The following TMEM255A variants were observed in gnomAD, a reference collection of about 807,000 sequenced individuals.
The protein encoded by TMEM255A is family with sequence similarity 70, member A.
A neutral mutation model predicts 23.5 loss-of-function variants in TMEM255A; 14 were observed. The observed-to-expected ratio is 0.60, with a 90% confidence interval of 0.39 to 0.93. TMEM255A has a LOEUF of 0.93. Ranked by LOEUF, TMEM255A falls within the 40% of genes least tolerant of loss-of-function variation. The probability of loss-of-function intolerance (pLI) is 0.00; values close to 1 mark genes in which losing one functional copy is unlikely to be tolerated. For missense variants in TMEM255A, 233 were observed against 261.7 expected, an observed-to-expected ratio of 0.89 and a Z score of 0.76; for synonymous variants, 104 against 100.3, an observed-to-expected ratio of 1.04 and a Z score of -0.22.
chrX:120,262,017 CG>C (rs1403751019), intron 8 of TMEM255A, among the ~76,000 whole-genome samples: 1 of 111,931 alleles, frequency 8.9e-6, no homozygotes, highest in Non-Finnish European at 1.9e-5. Flanking sequence ...AGGCCGGGCG[CG>C]GTGGCTAACG....
intron 6 of TMEM255A, among the ~76,000 whole-genome samples, chrX:120,280,963 T>G (rs2057832880): frequency 1.8e-5 from 2 of 112,544 alleles, no homozygotes; most frequent in Non-Finnish European, 3.8e-5. Context: ...TTCATTAGCT[T>G]TTTCCTTGGA....
rs970956250 is a variant in TMEM255A, at chrX:120,282,510, C to A, written c.512+2617G>T. Among the ~76,000 whole-genome samples, 59 of 111,830 alleles carry A rather than the reference C, an allele frequency of 5.3e-4. 1 individual carries two copies. Among genetic ancestry groups the A allele is most frequent in the African/African-American group, 1.9e-3 (59 of 30,717 alleles). On this transcript the variant is annotated intron_variant, in intron 6 of 8. Coordinates refer to ENST00000371369, the MANE Select transcript of TMEM255A (RefSeq NM_001104544.3). Reference sequence around the variant, plus strand: ...TTTCCCCAGTGAAAAGGGAGTTCTTCTTTTTGTTCCTTTTCAACAAATATC... The same window carrying A: ...TTTCCCCAGTGAAAAGGGAGTTCTTATTTTTGTTCCTTTTCAACAAATATC...
chrX:120,260,937 C>T lies in TMEM255A; in HGVS notation c.911G>A (p.Ser304Asn), dbSNP rs1351836579. 2 of 1,197,056 alleles carry T rather than the reference C, an allele frequency of 1.7e-6. No individual in the cohort carries two copies. The highest frequency in any genetic ancestry group is 1.8e-5 in the African/African-American group (1 of 56,031). The change falls in exon 9 of 9, where the codon AGT becomes AAT. Residue 304 changes from serine to asparagine, a missense_variant. Coordinates refer to ENST00000371369, the MANE Select transcript of TMEM255A (RefSeq NM_001104544.3). The stretch of plus-strand genomic sequence containing the variant: ...GGGTGGAGAGTAACGGGGCGGTGCA[C>T]TTGAGGACCACATGTAGCTGGGTGA... ...SPSPSYMWSS[S>N]APPRYSPPYY...
intron 7 of TMEM255A, among the ~76,000 whole-genome samples, chrX:120,270,307 GTGTGTA>G (rs1227570112): frequency 1.3e-4 from 14 of 110,432 alleles, no homozygotes; most frequent in African/African-American, 4.0e-4. Context: ...GTGTGTGTGT[GTGTGTA>G]TGTGTATTTC....
chrX:120,252,392 T>C, the TMEM255A span, among the ~76,000 whole-genome samples: 1 of 111,180 alleles, frequency 9.0e-6, no homozygotes, highest in African/African-American at 3.3e-5. Flanking sequence ...CTCTGGCCTC[T>C]TTGTTACTGG....
chrX:120,282,258 C>T lies in TMEM255A; in HGVS notation c.512+2869G>A, dbSNP rs782362165. On this transcript the variant is annotated intron_variant, in intron 6 of 8. Transcript: ENST00000371369. ...GGGACCCTCGCCTCTTCAGTCTCAG[C>T]CTGGGTTTATGGCCTGGTGGGACTG... Among the ~76,000 whole-genome samples, 4 of 111,553 alleles carry T rather than the reference C, an allele frequency of 3.6e-5. No individual in the cohort carries two copies. In the South Asian group the frequency reaches 1.5e-3, roughly 43 times the overall value.
At chrX:120,253,729 G>T (rs781947735), downstream of TMEM255A, 1 of 1,209,631 alleles carries the variant, frequency 8.3e-7, no homozygotes, top group Non-Finnish European at 1.1e-6. Flanking sequence ...ATTAAATCAG[G>T]GCAGTTATTA....
the TMEM255A span, among the ~76,000 whole-genome samples, chrX:120,251,486 A>C: frequency 9.4e-6 from 1 of 106,347 alleles, no homozygotes; most frequent in African/African-American, 3.5e-5. Context: ...TGCTGTTTGT[A>C]CCTCCGTCTG....
At chrX:120,294,084 G>A (rs1556023540) in intron 2 of TMEM255A, 33 bp from the exon 3 acceptor site, 1 of 1,055,858 alleles carries the variant, frequency 9.5e-7, no homozygotes, top group Non-Finnish European at 1.3e-6. Context: ...TAGTATGTGG[G>A]ATGACAGTCA....
At chrX:120,296,522 C>T (rs2057957666) in intron 2 of TMEM255A, among the ~76,000 whole-genome samples, 1 of 96,723 alleles carries the variant, frequency 1.0e-5, no homozygotes, top group Non-Finnish European at 2.0e-5. Flanking sequence ...CCTCCAAGAG[C>T]TCACGGTCTA....
downstream of TMEM255A, chrX:120,254,809 A>C: frequency 8.3e-7 from 1 of 1,212,042 alleles, no homozygotes; most frequent in African/African-American, 1.7e-5. Context: ...GAAATACCAA[A>C]AACGTCTGGC....
chrX:120,293,231 G>C (rs1372500115), intron 3 of TMEM255A, among the ~76,000 whole-genome samples: 4 of 112,414 alleles, frequency 3.6e-5, no homozygotes, highest in Non-Finnish European at 7.5e-5. Context: ...CACTCACCAG[G>C]CATCTTGATT....
intron 2 of TMEM255A, among the ~76,000 whole-genome samples, chrX:120,297,569 C>T (rs1161307484): frequency 9.0e-6 from 1 of 110,796 alleles, no homozygotes; most frequent in African/African-American, 3.3e-5. Context: ...AGCACTTGCC[C>T]CCTACTTTGG....
At chrX:120,256,887 A>G (rs1439742140), downstream of TMEM255A, 1 of 121,894 alleles carries the variant, frequency 8.2e-6, no homozygotes, top group Non-Finnish European at 1.9e-5. Context: ...TCTTAGTCCA[A>G]CATAGATATT....
Position 120,259,677 on chromosome X carries a change from G to A in TMEM255A, c.*1193C>T, listed in dbSNP as rs2147174802. On this transcript the variant is annotated 3_prime_UTR_variant, in exon 9 of 9. Coordinates refer to ENST00000371369, the MANE Select transcript of TMEM255A (RefSeq NM_001104544.3). ...CTGAAGTGAAGGCATGGGTGCAAAA[G>A]CTTTAAACTCATCAGGTTGATGGTT... 1 of 112,266 alleles carries A rather than the reference G, an allele frequency of 8.9e-6. No homozygotes were observed. Among genetic ancestry groups the A allele is most frequent in the South Asian group, 3.8e-4 (1 of 2,658 alleles). 9.3% of individuals were successfully genotyped at this position (112,266 alleles called of 1,213,427 possible).
intron 4 of TMEM255A, among the ~76,000 whole-genome samples, chrX:120,288,643 A>C (rs1022254375): frequency 1.8e-5 from 2 of 112,149 alleles, no homozygotes; most frequent in Non-Finnish European, 3.8e-5. Context: ...GAACAAGGCA[A>C]TTGGGAGGCA....
In TMEM255A at chrX:120,273,188, C is replaced by T. The variant is rs1216521623; in HGVS notation, c.675+3697G>A. The T allele has an allele frequency of 1.5e-5, 3 of 201,644 alleles. No individual in the cohort carries two copies. The East Asian group carries it at 3.9e-4, about 26-fold the overall frequency. The allele number at this position is 201,644 out of a possible 1,213,427, so 16.6% of individuals were successfully genotyped here. On this transcript the variant is annotated intron_variant, in intron 7 of 8. Transcript: ENST00000371369. ...TTTCAACGCTACTTTTGAAGATCAACATTAGGTAAACAAATTTGCAAGGAA... is the reference window on the plus strand; with the variant it reads ...TTTCAACGCTACTTTTGAAGATCAATATTAGGTAAACAAATTTGCAAGGAA...
chrX:120,253,689 C>T (rs1353974426), downstream of TMEM255A: 2 of 1,209,987 alleles, frequency 1.7e-6, no homozygotes, highest in African/African-American at 1.7e-5. Context: ...TAAAATTGTT[C>T]GTGTTAGATC....
At chrX:120,262,324 C>T (rs2057686107) in intron 8 of TMEM255A, among the ~76,000 whole-genome samples, 1 of 111,437 alleles carries the variant, frequency 9.0e-6, no homozygotes, top group African/African-American at 3.3e-5. Flanking sequence ...AACCTATGTC[C>T]AGATTTCTAA....
Sources: gnomAD v4.1 joint callset for allele counts (sites outside exome capture counted in the v4.1 genomes callset) on GRCh38, gnomAD v4.1.1 for gene constraint, MANE v1.5 for transcripts, NCBI Gene and HGNC (gene_info 2026-07-23, HGNC 2026-07-21) for gene names.